Variants in PLA1A observed in about 807,000 individuals in gnomAD.
PLA1A encodes phospholipase A1 member A, also known as phosphatidylserine-specific phospholipase A1alpha.
Under a neutral mutation model 49.4 loss-of-function variants are expected in PLA1A, and 47 were observed. That is an observed-to-expected ratio of 0.95 (90% CI 0.75 to 1.21). The LOEUF (loss-of-function observed/expected upper bound fraction) is 1.21, where lower values mean the gene tolerates loss of function less well. Among genes scored for constraint, PLA1A ranks in the 50% most tolerant of loss-of-function variants. PLA1A has a pLI of 0.00. For missense variants in PLA1A, 561 were observed against 563.9 expected (o/e 0.99, Z 0.05); for synonymous variants, 224 against 207.9 (o/e 1.08, Z -0.67).
chr3:119,619,254 A>G (rs1483316121), intron 7 of PLA1A, among the ~76,000 whole-genome samples: 1 of 152,244 alleles, frequency 6.6e-6, no homozygotes, highest in Non-Finnish European at 1.5e-5. Flanking sequence ...AAATGTCATG[A>G]AAACAACTAC....
intron 3 of PLA1A, 109 bp from the exon 4 acceptor site, chr3:119,609,359 G>A: frequency 1.3e-6 from 1 of 786,614 alleles, no homozygotes; most frequent in Non-Finnish European, 2.3e-6. Context: ...AGTGTGGTGG[G>A]TGTGTCATGC....
At chr3:119,600,386 A>G in intron 1 of PLA1A, 1 of 702,942 alleles carries the variant, frequency 1.4e-6, no homozygotes, top group Non-Finnish European at 2.6e-6. Flanking sequence ...GTGGATGCAC[A>G]AGTCTTCCTC....
intron 4 of PLA1A, among the ~76,000 whole-genome samples, chr3:119,612,324 C>A (rs570606090): frequency 6.6e-6 from 1 of 152,278 alleles, no homozygotes; most frequent in Admixed American, 6.5e-5. Flanking sequence ...GTAGTATTCA[C>A]AGTAATCACT....
intron 4 of PLA1A, among the ~76,000 whole-genome samples, chr3:119,609,982 C>G (rs930048787): frequency 6.6e-6 from 1 of 152,130 alleles, no homozygotes; most frequent in Non-Finnish European, 1.5e-5. Flanking sequence ...TGCTTTTCCT[C>G]CCCCTTTTGA....
At position 119,628,812 on chromosome 3, in the gene PLA1A, C is replaced by T; in HGVS notation, c.1233C>T (p.Asp411=). The change falls in exon 10 of 11, where the codon GAC becomes GAT. Residue 411 remains aspartate (D), a synonymous_variant. Transcript: ENST00000273371. ...FQSSNRVWKK[D]RTTIIGKFCT... The stretch of plus-strand genomic sequence containing the variant: ...CTTCCAACCGAGTTTGGAAAAAAGA[C>T]CGGACTACCATTATTGGGAAGTTCT... The T allele has an allele frequency of 9.3e-6, 15 of 1,614,038 alleles. No individual in the cohort carries two copies. Among genetic ancestry groups the T allele is most frequent in the Non-Finnish European group, 1.3e-5 (15 of 1,179,930 alleles).
intron 1 of PLA1A, 40 bp downstream of exon 1, chr3:119,598,026 T>G: frequency 7.8e-7 from 1 of 1,287,100 alleles, no homozygotes; most frequent in Non-Finnish European, 1.1e-6. Context: ...CTTATTTCAG[T>G]CAGTGATCAT....
intron 5 of PLA1A, among the ~76,000 whole-genome samples, chr3:119,615,528 C>G (rs2082833730): frequency 6.6e-6 from 1 of 152,200 alleles, no homozygotes; most frequent in African/African-American, 2.4e-5. Context: ...CCAACAGAAT[C>G]TCTTTGGTTC....
intron 7 of PLA1A, 48 bp from the exon 8 acceptor site, chr3:119,619,515 T>C: frequency 3.7e-6 from 5 of 1,338,826 alleles, no homozygotes; most frequent in Non-Finnish European, 5.4e-6. Context: ...TGTGGGACCC[T>C]AAGATAGCCT....
chr3:119,600,854 G>A (rs1461971392), intron 1 of PLA1A, among the ~76,000 whole-genome samples: 1 of 152,248 alleles, frequency 6.6e-6, no homozygotes, highest in East Asian at 1.9e-4. Flanking sequence ...AAGTTCAGTG[G>A]CCCATAGTGC....
intron 9 of PLA1A, among the ~76,000 whole-genome samples, chr3:119,627,253 GTGTGGTCTTTTTCCAAA>G (rs1223315883): frequency 6.6e-6 from 1 of 152,214 alleles, no homozygotes; most frequent in African/African-American, 2.4e-5. Flanking sequence ...GGGAGGTTAT[GTGTGGTCTTTTTCCAAA>G]TTTCTATAGC....
At chr3:119,610,519 A>G (rs781279112) in intron 4 of PLA1A, among the ~76,000 whole-genome samples, 2 of 152,112 alleles carry the variant, frequency 1.3e-5, no homozygotes, top group African/African-American at 2.4e-5. Flanking sequence ...TATAATAGCA[A>G]TTCTGAGTGG....
chr3:119,615,168 A>G (rs2082828026), intron 5 of PLA1A, among the ~76,000 whole-genome samples: 1 of 152,172 alleles, frequency 6.6e-6, no homozygotes, highest in Non-Finnish European at 1.5e-5. Flanking sequence ...TGACAGAAGG[A>G]GAAAGTCGGG....
At chr3:119,614,230 A>G (rs1331184932) in intron 5 of PLA1A, among the ~76,000 whole-genome samples, 3 of 152,030 alleles carry the variant, frequency 2.0e-5, no homozygotes, top group East Asian at 3.9e-4. Flanking sequence ...CCTTCTTCCC[A>G]CCTTTATTTC....
At chr3:119,629,107 C>T (rs561345021) in intron 10 of PLA1A, among the ~76,000 whole-genome samples, 1 of 152,204 alleles carries the variant, frequency 6.6e-6, no homozygotes, top group Non-Finnish European at 1.5e-5. Context: ...ACAAAGTTTT[C>T]TCATTGCATA....
intron 4 of PLA1A, among the ~76,000 whole-genome samples, chr3:119,612,351 TAG>T (rs1481930624): frequency 6.6e-6 from 1 of 152,230 alleles, no homozygotes; most frequent in Non-Finnish European, 1.5e-5. Flanking sequence ...TGATGAGGAC[TAG>T]AGTGTGTAAA....
intron 1 of PLA1A, among the ~76,000 whole-genome samples, chr3:119,603,188 C>T (rs920580286): frequency 2.0e-5 from 3 of 150,532 alleles, no homozygotes; most frequent in South Asian, 2.1e-4. Flanking sequence ...AAAAAAAAAT[C>T]GTGACTGCTG....
At chr3:119,615,445 C>G (rs1334649896) in intron 5 of PLA1A, among the ~76,000 whole-genome samples, 2 of 152,212 alleles carry the variant, frequency 1.3e-5, no homozygotes, top group Non-Finnish European at 2.9e-5. Flanking sequence ...AAGTTTATAA[C>G]ATTTACTGAG....
intron 7 of PLA1A, 134 bp downstream of exon 7, chr3:119,618,320 G>A (rs1414247780): frequency 1.3e-6 from 1 of 793,188 alleles, no homozygotes; most frequent in Non-Finnish European, 2.1e-6. Context: ...TAAGCAATGA[G>A]GTGCTCAGCC....
chr3:119,629,497 C>CTTTTTT lies in PLA1A; in HGVS notation c.*29_*30insTTTTTT. The CTTTTTT allele has an allele frequency of 1.1e-6, 1 of 892,958 alleles. No individual in the cohort carries two copies. The highest frequency in any genetic ancestry group is 1.6e-6 in the Non-Finnish European group (1 of 617,366). 55.3% of individuals were successfully genotyped at this position (892,958 alleles called of 1,614,324 possible). ...AACCTGGGCAGGACACATCTCCCTG[C>CTTTTTT]ATTTTTTTTTTTTTTTTGAGAGAGA... On this transcript the variant is annotated 3_prime_UTR_variant, in exon 11 of 11. Transcript: ENST00000273371.
Sources: allele counts gnomAD v4.1 joint callset (sites outside exome capture counted in the v4.1 genomes callset), GRCh38; gene constraint gnomAD v4.1.1; transcripts MANE v1.5; gene names NCBI Gene and HGNC (gene_info 2026-07-23, HGNC 2026-07-21).